The following LPP variants were observed in gnomAD, a reference collection of about 807,000 sequenced individuals.
The protein encoded by LPP is LIM domain containing preferred translocation partner in lipoma.
Under a neutral mutation model 60.4 loss-of-function variants are expected in LPP, and 38 were observed. The ratio of observed to expected loss-of-function variants is 0.63; its 90% CI spans 0.49 to 0.83. The LOEUF (loss-of-function observed/expected upper bound fraction) is 0.83, where lower values mean the gene tolerates loss of function less well. Among genes scored for constraint, LPP ranks in the 40% least tolerant of loss-of-function variants. The pLI is 0.00. For synonymous variants in LPP, 328 were observed against 290.8 expected (o/e 1.13, Z -1.30); for missense variants, 902 against 783.6 (o/e 1.15, Z -1.80).
chr3:188,297,247 G>T (rs1293207879), intron 2 of LPP, among the ~76,000 whole-genome samples: 1 of 152,214 alleles, frequency 6.6e-6, no homozygotes, highest in East Asian at 1.9e-4. Flanking sequence ...AAGGTCCATA[G>T]TGCAAGAATC....
In LPP at chr3:188,484,615, C is replaced by T. The variant is rs1372090096; in HGVS notation, c.217C>T (p.Pro73Ser). 3 of 1,613,696 alleles carry T rather than the reference C, an allele frequency of 1.9e-6. No individual in the cohort carries two copies. In the African/African-American group the frequency reaches 4.0e-5, roughly 22 times the overall value. Reference sequence around the variant, plus strand: ...AGGTGATTTTCTTCCACCCCCACCTCCACCTCTAGATGATTCCAGTGCCCT... The same window carrying T: ...AGGTGATTTTCTTCCACCCCCACCTTCACCTCTAGATGATTCCAGTGCCCT... ...GEGDFLPPPP[P>S]PLDDSSALPS... The change falls in exon 5 of 12, where the codon CCA becomes TCA. Residue 73 changes from proline to serine, a missense_variant. Transcript: ENST00000617246.
At chr3:188,311,532 A>AAAC (rs1753434549) in intron 2 of LPP, among the ~76,000 whole-genome samples, 1 of 143,510 alleles carries the variant, frequency 7.0e-6, no homozygotes, top group African/African-American at 2.7e-5. Flanking sequence ...CTAAACTAAA[A>AAAC]GTAAGATAAA....
At chr3:188,369,515 T>G (rs983952783) in intron 3 of LPP, among the ~76,000 whole-genome samples, 10 of 152,154 alleles carry the variant, frequency 6.6e-5, no homozygotes, top group African/African-American at 2.4e-4. Flanking sequence ...CTCCTGGGGT[T>G]GTTGTGAGGA....
At chr3:188,452,513 G>A (rs1044547581) in intron 4 of LPP, among the ~76,000 whole-genome samples, 1 of 152,168 alleles carries the variant, frequency 6.6e-6, no homozygotes, top group African/African-American at 2.4e-5. Flanking sequence ...AGGGATGATA[G>A]AGTCCTCTTC....
chr3:188,862,904 A>G (rs1371954661), intron 9 of LPP, among the ~76,000 whole-genome samples: 1 of 151,966 alleles, frequency 6.6e-6, no homozygotes, highest in Admixed American at 6.6e-5. Flanking sequence ...CAACCATTTC[A>G]TGTCATGGGT....
intron 6 of LPP, among the ~76,000 whole-genome samples, chr3:188,543,357 C>T (rs918733693): frequency 8.5e-5 from 13 of 152,058 alleles, no homozygotes; most frequent in South Asian, 2.1e-4. Context: ...CAGCTGAAAA[C>T]GCGTATTTTC....
chr3:188,828,627 A>AAAAAAAAAC (rs1756279721), intron 9 of LPP, among the ~76,000 whole-genome samples: 1 of 147,434 alleles, frequency 6.8e-6, no homozygotes, highest in Admixed American at 6.8e-5. Context: ...AAAAAAAAAA[A>AAAAAAAAAC]AAAAAAAAAA....
intron 2 of LPP, among the ~76,000 whole-genome samples, chr3:188,297,875 G>T (rs886748453): frequency 1.3e-5 from 2 of 152,124 alleles, no homozygotes; most frequent in Non-Finnish European, 2.9e-5. Context: ...CTTCATTTTG[G>T]CAAAAGACAT....
At chr3:188,642,096 A>AT (rs113502570) in intron 7 of LPP, among the ~76,000 whole-genome samples, 36,628 of 151,060 alleles carry the variant, frequency 0.24, 4,688 homozygotes, top group African/African-American at 0.3. Flanking sequence ...CTGAAGTGGA[A>AT]TTTTTTTTTT....
chr3:188,521,283 A>T (rs545810621), intron 5 of LPP, among the ~76,000 whole-genome samples: 181 of 152,300 alleles, frequency 1.2e-3, no homozygotes, highest in Non-Finnish European at 2.2e-3. Context: ...GAGAAACTGA[A>T]AATAGGGAGC....
intron 2 of LPP, among the ~76,000 whole-genome samples, chr3:188,301,503 G>A (rs1449508978): frequency 6.6e-6 from 1 of 152,202 alleles, no homozygotes; most frequent in Non-Finnish European, 1.5e-5. Context: ...CTAAGAATCA[G>A]TTGCCAGGAC....
At chr3:188,851,563 C>G (rs1349034320) in intron 9 of LPP, among the ~76,000 whole-genome samples, 1 of 152,162 alleles carries the variant, frequency 6.6e-6, no homozygotes, top group Non-Finnish European at 1.5e-5. Flanking sequence ...TTTAATAAAC[C>G]TAACCTGCTT....
At chr3:188,455,602 T>C (rs1797561916) in intron 4 of LPP, among the ~76,000 whole-genome samples, 1 of 152,154 alleles carries the variant, frequency 6.6e-6, no homozygotes, top group South Asian at 2.1e-4. Flanking sequence ...AAACAGTAGG[T>C]ATGGGTACTT....
chr3:188,809,014 A>G (rs1750047550), intron 9 of LPP, among the ~76,000 whole-genome samples: 1 of 152,144 alleles, frequency 6.6e-6, no homozygotes, highest in South Asian at 2.1e-4. Flanking sequence ...ACATGACCTC[A>G]TTCCTTTTTA....
chr3:188,246,756 A>G (rs1316584002), intron 2 of LPP, among the ~76,000 whole-genome samples: 1 of 152,232 alleles, frequency 6.6e-6, no homozygotes, highest in African/African-American at 2.4e-5. Context: ...GGATTCCTTA[A>G]TTCTCACAAT....
intron 4 of LPP, among the ~76,000 whole-genome samples, chr3:188,438,412 A>C (rs566411277): frequency 8.1e-5 from 12 of 149,060 alleles, no homozygotes; most frequent in Non-Finnish European, 1.3e-4. Context: ...GTCTCATTTA[A>C]TCCTCATAAT....
intron 3 of LPP, among the ~76,000 whole-genome samples, chr3:188,368,717 C>CAGAGAGAGAGAG (rs1560306669): frequency 9.5e-6 from 1 of 105,518 alleles, no homozygotes; most frequent in African/African-American, 3.1e-5. Context: ...CACACACACA[C>CAGAGAGAGAGAG]ACAGAGAGAG....
chr3:188,800,648 C>A (rs1364963116), intron 9 of LPP, among the ~76,000 whole-genome samples: 1 of 152,074 alleles, frequency 6.6e-6, no homozygotes, highest in Admixed American at 6.5e-5. Flanking sequence ...AAAGTGAAAC[C>A]AAATTTATTC....
chr3:188,529,469 A>G (rs945292830), intron 6 of LPP, among the ~76,000 whole-genome samples: 17 of 152,214 alleles, frequency 1.1e-4, no homozygotes, highest in African/African-American at 4.1e-4. Flanking sequence ...GCTTTGACTC[A>G]TGGTCTAGGA....
Sources: allele counts gnomAD v4.1 joint callset (sites outside exome capture counted in the v4.1 genomes callset), GRCh38; gene constraint gnomAD v4.1.1; transcripts MANE v1.5; gene names NCBI Gene and HGNC (gene_info 2026-07-23, HGNC 2026-07-21).